NRL: variants seen among roughly 807,000 people sequenced by gnomAD.
The protein encoded by NRL is neural retina leucine zipper, also known as neural retina-specific leucine zipper protein.
Under a neutral mutation model 12.5 loss-of-function variants are expected in NRL, and 16 were observed. That is an observed-to-expected ratio of 1.28 (90% CI 0.87 to 1.95). The LOEUF (loss-of-function observed/expected upper bound fraction) is 1.95, where lower values mean the gene tolerates loss of function less well. Among genes scored for constraint, NRL ranks in the 30% most tolerant of loss-of-function variants. The probability of loss-of-function intolerance (pLI) is 0.00; values close to 1 mark genes in which losing one functional copy is unlikely to be tolerated. For synonymous variants in NRL, 142 were observed against 150.9 expected (o/e 0.94, Z 0.43); for missense variants, 314 against 325.8 (o/e 0.96, Z 0.28).
At chr14:24,104,011 A>G in intron 1 of NRL, 1 of 1,396,674 alleles carries the variant, frequency 7.2e-7, no homozygotes, top group South Asian at 1.2e-5. Flanking sequence ...TCATCTGGGA[A>G]TAGGGAAGGC....
At position 24,097,129 on chromosome 14, in the gene NRL, C is replaced by T. The variant is rs553906797; in HGVS notation, c.-27-14254G>A. The T allele has an allele frequency of 4.3e-6, 7 of 1,613,826 alleles. No individual in the cohort carries two copies. In the South Asian group the frequency reaches 6.6e-5, roughly 15 times the overall value. ...GCCTCATCCGAAAGCTCCCCAAGTA[C>T]AATAACTGGTAAGCCTTGGGCTCCA... On this transcript the variant is annotated intron_variant, in intron 1 of 2. Coordinates refer to ENST00000561028, the MANE Select transcript of NRL (RefSeq NM_001354768.3).
At chr14:24,096,192 T>A (rs1267692563) in intron 1 of NRL, among the ~76,000 whole-genome samples, 3 of 151,820 alleles carry the variant, frequency 2.0e-5, no homozygotes, top group African/African-American at 7.3e-5. Context: ...CCCAACTTCT[T>A]GTCTTGACAC....
intron 1 of NRL, chr14:24,102,836 G>T: frequency 6.2e-7 from 1 of 1,613,928 alleles, no homozygotes. Context: ...AGCCTGGGAG[G>T]CCCCAGAGGG....
intron 1 of NRL, among the ~76,000 whole-genome samples, chr14:24,090,808 G>A (rs2036606342): frequency 6.6e-6 from 1 of 152,242 alleles, no homozygotes; most frequent in African/African-American, 2.4e-5. Context: ...AGCAGTGCAA[G>A]GAAATCTGCA....
intron 1 of NRL, chr14:24,103,504 C>A (rs371173730): frequency 1.9e-6 from 3 of 1,541,826 alleles, no homozygotes; most frequent in Admixed American, 2.0e-5. Flanking sequence ...CTTGCTTCCC[C>A]CCCAGGGAAG....
intron 1 of NRL, among the ~76,000 whole-genome samples, chr14:24,112,463 T>G (rs2037435500): frequency 7.3e-6 from 1 of 137,294 alleles, no homozygotes; most frequent in African/African-American, 2.8e-5. Flanking sequence ...GGGAGAAAAT[T>G]TTCGCAACCT....
chr14:24,090,201 C>T (rs914319064), intron 1 of NRL, among the ~76,000 whole-genome samples: 5 of 138,152 alleles, frequency 3.6e-5, no homozygotes, highest in African/African-American at 1.4e-4. Context: ...CCAAGTTGAG[C>T]CTGAGGAATA....
chr14:24,114,006 G>A (rs1027688922), intron 1 of NRL, among the ~76,000 whole-genome samples: 1 of 152,156 alleles, frequency 6.6e-6, no homozygotes, highest in Non-Finnish European at 1.5e-5. Flanking sequence ...CCCGGCCTTG[G>A]ACTCAGGCTT....
In NRL at chr14:24,081,245, G is replaced by T. The variant is rs994976307; in HGVS notation, c.705C>A (p.Leu235=). ...AGGTGCTCTGAACGGCTCAGAGGAA[G>T]AGGTGGGAGGGGTCCCCGGACCCGG... ...SGPGSGDPSH[L]FL Residue 235 remains leucine (L), a synonymous_variant, in exon 3 of 3, where the codon CTC becomes CTA. Coordinates refer to ENST00000561028, the MANE Select transcript of NRL (RefSeq NM_001354768.3). This position sits in a 1 kb window ranked among gnomAD's most constrained non-coding sequence, Gnocchi z 4.4. The T allele has an allele frequency of 9.7e-5, 145 of 1,500,916 alleles. No individual in the cohort carries two copies. The highest frequency in any genetic ancestry group is 1.3e-4 in the Non-Finnish European group (145 of 1,123,192). The allele number at this position is 1,500,916 out of a possible 1,614,324, so 93.0% of individuals were successfully genotyped here.
chr14:24,100,070 A>G (rs777031651), intron 1 of NRL: 1 of 1,612,954 alleles, frequency 6.2e-7, no homozygotes, highest in African/African-American at 1.3e-5. Flanking sequence ...ACCAATCCCA[A>G]CGCCATGGCT....
intron 1 of NRL, among the ~76,000 whole-genome samples, chr14:24,107,699 A>G (rs2037360173): frequency 6.6e-6 from 1 of 152,084 alleles, no homozygotes; most frequent in Non-Finnish European, 1.5e-5. Context: ...CAATTTACCC[A>G]TTGACGAATC....
In NRL at chr14:24,081,658, A is replaced by T; in HGVS notation, c.382-90T>A. ...CGACGCTACCTGGCTCCGCCCCGGG[A>T]CAGCCCCGCCCCGGCTCCCACCTTC... is the stretch of plus-strand genomic sequence containing the variant. On this transcript the variant is annotated intron_variant, in intron 2 of 2. Transcript: ENST00000561028. This position sits in a 1 kb window ranked among gnomAD's most constrained non-coding sequence, Gnocchi z 4.4. 1 of 1,533,038 alleles carries T rather than the reference A, an allele frequency of 6.5e-7. No homozygotes were observed. Among genetic ancestry groups the T allele is most frequent in the South Asian group, 1.2e-5 (1 of 83,386 alleles). 95.0% of individuals were successfully genotyped at this position (1,533,038 alleles called of 1,614,324 possible).
At chr14:24,099,593 CTA>C in intron 1 of NRL, 1 of 1,610,720 alleles carries the variant, frequency 6.2e-7, no homozygotes, top group East Asian at 2.2e-5. Flanking sequence ...GGAAGAAGCG[CTA>C]TGTGGCAGCC....
chr14:24,089,084 G>A (rs1191883642), intron 1 of NRL, among the ~76,000 whole-genome samples: 1 of 151,054 alleles, frequency 6.6e-6, no homozygotes, highest in Admixed American at 6.6e-5. Flanking sequence ...GATTACAGGC[G>A]TGAGCCACTG....
At position 24,094,598 on chromosome 14, in the gene NRL, T is replaced by C. The variant is rs2036772590; in HGVS notation, c.-27-11723A>G. 1 of 1,458,106 alleles carries C rather than the reference T, an allele frequency of 6.9e-7. No individual in the cohort carries two copies. Among genetic ancestry groups the C allele is most frequent in the Non-Finnish European group, 9.0e-7 (1 of 1,107,818 alleles). 90.3% of individuals were successfully genotyped at this position (1,458,106 alleles called of 1,614,324 possible). On this transcript the variant is annotated intron_variant, in intron 1 of 2. Transcript: ENST00000561028. The surrounding 1 kb of genome is among the most constrained non-coding windows in gnomAD (Gnocchi z 4.1). Reference sequence around the variant, plus strand: ...GGTCCAGCCTCCCGCGCCGCGCGTCTCTTGGGAGGGCAGCCGGCCGGTGCT... The same window carrying C: ...GGTCCAGCCTCCCGCGCCGCGCGTCCCTTGGGAGGGCAGCCGGCCGGTGCT...
intron 1 of NRL, chr14:24,084,471 G>T (rs987224934): frequency 2.8e-5 from 24 of 854,386 alleles, no homozygotes; most frequent in Non-Finnish European, 3.2e-5. Flanking sequence ...TTAAAGAGGG[G>T]GTTCTAGGTG....
chr14:24,092,231 TCCAAGAAGTG>T (rs1411122849), intron 1 of NRL, among the ~76,000 whole-genome samples: 1 of 151,778 alleles, frequency 6.6e-6, no homozygotes, highest in Non-Finnish European at 1.5e-5. Context: ...GAGGCAGGAG[TCCAAGAAGTG>T]CCTTAGAAGC....
intron 1 of NRL, chr14:24,098,478 G>A (rs777817195): frequency 3.7e-5 from 60 of 1,613,760 alleles, no homozygotes; most frequent in Admixed American, 2.0e-4. Flanking sequence ...TCCACAGGCC[G>A]CACCATGTAT....
chr14:24,102,797 C>T, intron 1 of NRL: 1 of 1,613,856 alleles, frequency 6.2e-7, no homozygotes, highest in African/African-American at 1.3e-5. Context: ...ATTTTGTGCC[C>T]CGGCTCGCCA....
Sources: allele counts gnomAD v4.1 joint callset (sites outside exome capture counted in the v4.1 genomes callset), GRCh38; gene constraint gnomAD v4.1.1; non-coding constraint Gnocchi (gnomAD v3.1); transcripts MANE v1.5; gene names NCBI Gene and HGNC (gene_info 2026-07-23, HGNC 2026-07-21).